TRAM1: variants seen among roughly 807,000 people sequenced by gnomAD.
TRAM1 encodes translocating chain-associated membrane protein 1.
TRAM1 carries 17 observed loss-of-function variants against 48.7 expected under a neutral mutation model. That is an observed-to-expected ratio of 0.35 (90% CI 0.24 to 0.52). The LOEUF is 0.52. Ranked by LOEUF, TRAM1 falls within the 20% of genes least tolerant of loss-of-function variation. The probability of loss-of-function intolerance (pLI) is 0.94; values close to 1 mark genes in which losing one functional copy is unlikely to be tolerated. For missense variants in TRAM1, 351 were observed against 441.5 expected (o/e 0.79, Z 1.84); for synonymous variants, 182 against 154.0 (o/e 1.18, Z -1.34).
intron 8 of TRAM1, among the ~76,000 whole-genome samples, 177 bp from the exon 9 acceptor site, chr8:70,583,970 G>A (rs1303155319): frequency 2.0e-5 from 3 of 152,008 alleles, no homozygotes; most frequent in African/African-American, 7.3e-5. Flanking sequence ...CAGAGATTGC[G>A]CCACTGCACT....
rs144416651 is a variant in TRAM1 at position 70,580,383 on chromosome 8, G to A, written c.1051+2781C>T. On this transcript the variant is annotated intron_variant, in intron 10 of 10. Coordinates refer to ENST00000262213, the MANE Select transcript of TRAM1 (RefSeq NM_014294.6). The stretch of plus-strand genomic sequence containing the variant: ...ACCAAGTGAAATTTATCCCAGGAAT[G>A]CAACGTTGGTTTAACATCTGAAAAT... Among the ~76,000 whole-genome samples the A allele has an allele frequency of 2.1e-3, 315 of 152,228 alleles. 2 individuals are homozygous for A. The highest frequency in any genetic ancestry group is 7.4e-3 in the African/African-American group (306 of 41,536).
Position 70,596,275 on chromosome 8 carries a change from T to C in TRAM1, c.473A>G (p.His158Arg). The change falls in exon 5 of 11, where the codon CAT becomes CGT. Residue 158 changes from histidine (H) to arginine (R), a missense_variant. Transcript: ENST00000262213. ...DPTILWRAYP[H>R]NLMTFQMKFF... ...AAAAATGACTTACGTCATCAGGTTA[T>C]GGGGATAAGCCCTCCATAAGATAGT... 2 of 1,597,284 alleles carry C rather than the reference T, an allele frequency of 1.3e-6. No homozygotes were observed. The highest frequency in any genetic ancestry group is 1.7e-6 in the Non-Finnish European group (2 of 1,173,900).
At chr8:70,594,675 A>G in intron 5 of TRAM1, 85 bp from the exon 6 acceptor site, 3 of 1,021,658 alleles carry the variant, frequency 2.9e-6, no homozygotes, top group Non-Finnish European at 4.3e-6. Flanking sequence ...ATCAGGATAT[A>G]CTAAGTAACT....
At chr8:70,605,064 CCAAA>C (rs1430739828) in intron 1 of TRAM1, among the ~76,000 whole-genome samples, 2 of 152,154 alleles carry the variant, frequency 1.3e-5, no homozygotes, top group African/African-American at 2.4e-5. Context: ...TACATTACTG[CCAAA>C]CAGACTACTT....
chr8:70,599,934 G>A (rs559218298), intron 2 of TRAM1, 85 bp downstream of exon 2: 18 of 972,918 alleles, frequency 1.9e-5, no homozygotes, highest in South Asian at 9.2e-5. Flanking sequence ...ATTAATTAAC[G>A]CAGGACCTAG....
Position 70,573,239 on chromosome 8 carries a change from C to T in TRAM1, c.*1693G>A, listed in dbSNP as rs1025676064. Among the ~76,000 whole-genome samples, 1 of 152,086 alleles carries T rather than the reference C, an allele frequency of 6.6e-6. No homozygotes were observed. The highest frequency in any genetic ancestry group is 2.4e-5 in the African/African-American group (1 of 41,406). On this transcript the variant is annotated 3_prime_UTR_variant, in exon 11 of 11. Transcript: ENST00000262213. ...TAGGTTAGTTTAATCCAGTGATTCC[C>T]AGATTTATTTGGTTATGACCATCTA...
At chr8:70,599,415 A>C (rs974522385) in intron 2 of TRAM1, among the ~76,000 whole-genome samples, 2 of 152,254 alleles carry the variant, frequency 1.3e-5, no homozygotes, top group African/African-American at 4.8e-5. Context: ...CTAGTTAATT[A>C]TATCACTGTA....
chr8:70,594,323 T>TC (rs1300239667), intron 6 of TRAM1, among the ~76,000 whole-genome samples, 183 bp downstream of exon 6: 21 of 150,140 alleles, frequency 1.4e-4, no homozygotes, highest in African/African-American at 3.7e-4. Context: ...TTTTTTTTTT[T>TC]CAAGAAATGC....
intron 4 of TRAM1, among the ~76,000 whole-genome samples, 170 bp downstream of exon 4, chr8:70,597,725 A>C (rs929451885): frequency 3.3e-5 from 5 of 151,790 alleles, no homozygotes; most frequent in African/African-American, 1.2e-4. Context: ...AGAGTGACTA[A>C]AAATGAATAA....
intron 6 of TRAM1, among the ~76,000 whole-genome samples, chr8:70,592,912 G>A (rs1042384065): frequency 3.3e-5 from 5 of 152,042 alleles, no homozygotes; most frequent in South Asian, 2.1e-4. Context: ...AGTCAATTTC[G>A]TTTTTGTTTT....
At chr8:70,589,524 G>T (rs1454181428) in intron 6 of TRAM1, among the ~76,000 whole-genome samples, 1 of 152,154 alleles carries the variant, frequency 6.6e-6, no homozygotes, top group Non-Finnish European at 1.5e-5. Flanking sequence ...AGTACACAAT[G>T]AAATACTTTT....
Position 70,594,596 on chromosome 8 carries a change from C to A in TRAM1, c.486-6G>T. ...AGAAAAACTTCATTTGAAATCTGTA[C>A]AACACAAGAAAATGAAGAGTACCTT... On this transcript the variant is annotated splice_polypyrimidine_tract_variant and splice_region_variant and intron_variant, in intron 5 of 10. Coordinates refer to ENST00000262213, the MANE Select transcript of TRAM1 (RefSeq NM_014294.6). 2 of 1,573,300 alleles carry A rather than the reference C, an allele frequency of 1.3e-6. No homozygotes were observed. Among genetic ancestry groups the A allele is most frequent in the East Asian group, 2.3e-5 (1 of 43,702 alleles).
intron 8 of TRAM1, among the ~76,000 whole-genome samples, chr8:70,586,318 T>C (rs1329076246): frequency 1.8e-4 from 26 of 148,472 alleles, no homozygotes; most frequent in African/African-American, 5.9e-4. Flanking sequence ...ATATACCTAA[T>C]GCTAAATGAC....
At chr8:70,591,669 T>C (rs1325747844) in intron 6 of TRAM1, among the ~76,000 whole-genome samples, 2 of 152,138 alleles carry the variant, frequency 1.3e-5, no homozygotes, top group Non-Finnish European at 2.9e-5. Context: ...CAAAGCTGAA[T>C]ATCAAATATA....
intron 9 of TRAM1, 58 bp from the exon 10 acceptor site, chr8:70,583,382 T>C: frequency 6.6e-7 from 1 of 1,520,032 alleles, no homozygotes; most frequent in Non-Finnish European, 8.9e-7. Context: ...ACTGAATACA[T>C]TCTATCATCT....
chr8:70,607,507 A>C, intron 1 of TRAM1: 1 of 984,974 alleles, frequency 1.0e-6, no homozygotes, highest in African/African-American at 1.7e-5. Flanking sequence ...CAGATGCCTG[A>C]CTCCGGTTTC....
In TRAM1 at chr8:70,583,343, T is replaced by A. The variant is rs1439186218; in HGVS notation, c.891-19A>T. On this transcript the variant is annotated intron_variant, in intron 9 of 10. Coordinates refer to ENST00000262213, the MANE Select transcript of TRAM1 (RefSeq NM_014294.6). ...AGCGATTCTAAGAAATATTAAGACA[T>A]AAAAAGTTAGTGTATAAAAAACAAT... The A allele has an allele frequency of 6.2e-7, 1 of 1,607,282 alleles. No homozygotes were observed. The highest frequency in any genetic ancestry group is 1.1e-5 in the South Asian group (1 of 89,996).
intron 6 of TRAM1, among the ~76,000 whole-genome samples, chr8:70,593,082 A>G (rs1817403419): frequency 6.6e-6 from 1 of 152,194 alleles, no homozygotes. Context: ...GTTTAAAAAT[A>G]AAAGGTCTTC....
intron 6 of TRAM1, among the ~76,000 whole-genome samples, chr8:70,590,990 A>G (rs545398771): frequency 1.3e-5 from 2 of 150,896 alleles, no homozygotes; most frequent in South Asian, 4.2e-4. Flanking sequence ...TAATGGGGAT[A>G]ACAACAACAA....
Sources: allele counts gnomAD v4.1 joint callset (sites outside exome capture counted in the v4.1 genomes callset), GRCh38; gene constraint gnomAD v4.1.1; transcripts MANE v1.5; gene names NCBI Gene and HGNC (gene_info 2026-07-23, HGNC 2026-07-21).